FHIT: variants seen among roughly 807,000 people sequenced by gnomAD.
FHIT encodes fragile histidine triad diadenosine triphosphatase, also known as bis(5'-adenosyl)-triphosphatase.
FHIT carries 19 observed loss-of-function variants against 17.9 expected under a neutral mutation model. That is an observed-to-expected ratio of 1.06 (90% CI 0.74 to 1.56). The LOEUF (loss-of-function observed/expected upper bound fraction) is 1.56, where lower values mean the gene tolerates loss of function less well. Among genes scored for constraint, FHIT ranks in the 40% most tolerant of loss-of-function variants. FHIT has a pLI of 0.00. For missense variants in FHIT, 248 were observed against 189.2 expected, an observed-to-expected ratio of 1.31 and a Z score of -1.82; for synonymous variants, 81 against 69.7, an observed-to-expected ratio of 1.16 and a Z score of -0.81.
At chr3:60,256,847 A>C (rs968419255) in intron 5 of FHIT, among the ~76,000 whole-genome samples, 5 of 152,178 alleles carry the variant, frequency 3.3e-5, no homozygotes, top group African/African-American at 1.2e-4. Context: ...CTATGATCTT[A>C]CTAATATTCA....
At chr3:60,312,481 C>T (rs779217087) in intron 5 of FHIT, among the ~76,000 whole-genome samples, 8 of 152,164 alleles carry the variant, frequency 5.3e-5, no homozygotes, top group Non-Finnish European at 7.3e-5. Context: ...GGTTAAAATC[C>T]TTTAAAGAAC....
chr3:60,271,420 A>T (rs1419127671), intron 5 of FHIT, among the ~76,000 whole-genome samples: 2 of 152,166 alleles, frequency 1.3e-5, no homozygotes, highest in African/African-American at 2.4e-5. Flanking sequence ...ATAATAAAAT[A>T]AAATAAACGC....
intron 5 of FHIT, among the ~76,000 whole-genome samples, chr3:60,206,149 A>AATAATAATAATAATAATAATAAT (rs1553712155): frequency 7.5e-4 from 71 of 94,114 alleles, no homozygotes; most frequent in South Asian, 6.0e-4. Flanking sequence ...AAAAAAAAAT[A>AATAATAATAATAATAATAATAAT]AATAATAATA....
At chr3:60,498,402 T>A (rs1290911948) in intron 5 of FHIT, among the ~76,000 whole-genome samples, 1 of 152,224 alleles carries the variant, frequency 6.6e-6, no homozygotes, top group Admixed American at 6.5e-5. Context: ...TTAATTATAA[T>A]TTTACTAGTT....
intron 1 of FHIT, among the ~76,000 whole-genome samples, chr3:61,208,637 C>A (rs1045200453): frequency 1.3e-5 from 2 of 151,978 alleles, no homozygotes; most frequent in Non-Finnish European, 2.9e-5. Flanking sequence ...GGATTGCAAA[C>A]CCTGCCTTTT....
At chr3:61,096,412 G>C (rs2035640227) in intron 2 of FHIT, among the ~76,000 whole-genome samples, 2 of 152,158 alleles carry the variant, frequency 1.3e-5, no homozygotes, top group African/African-American at 4.8e-5. Flanking sequence ...GAACTTTCTG[G>C]TGGCAGAATG....
intron 5 of FHIT, among the ~76,000 whole-genome samples, chr3:60,065,715 C>T (rs1433918968): frequency 1.3e-5 from 2 of 152,174 alleles, no homozygotes; most frequent in Admixed American, 6.5e-5. Context: ...TAGCAGGAAA[C>T]TCTGCTCAGT....
intron 3 of FHIT, among the ~76,000 whole-genome samples, chr3:60,988,911 G>C (rs1193411571): frequency 3.3e-4 from 3 of 9,228 alleles, no homozygotes; most frequent in East Asian, 0.014. Context: ...TTGTTAAAAG[G>C]CTTTTTTTTT....
At chr3:60,453,481 A>G (rs1429164287) in intron 5 of FHIT, among the ~76,000 whole-genome samples, 1 of 152,188 alleles carries the variant, frequency 6.6e-6, no homozygotes, top group Non-Finnish European at 1.5e-5. Context: ...GATGCAACAT[A>G]GATAGATGTG....
At chr3:61,118,586 G>A (rs1240874090) in intron 2 of FHIT, among the ~76,000 whole-genome samples, 1 of 152,122 alleles carries the variant, frequency 6.6e-6, no homozygotes, top group Non-Finnish European at 1.5e-5. Flanking sequence ...ACACCTGTAG[G>A]GTTACAGATG....
intron 4 of FHIT, among the ~76,000 whole-genome samples, chr3:60,605,328 C>G (rs1553670685): frequency 6.6e-6 from 1 of 152,146 alleles, no homozygotes; most frequent in African/African-American, 2.4e-5. Flanking sequence ...GCCTACTTAA[C>G]TACTCATGGC....
At chr3:59,932,964 C>T (rs189216159) in intron 7 of FHIT, among the ~76,000 whole-genome samples, 29 of 152,106 alleles carry the variant, frequency 1.9e-4, no homozygotes, top group Admixed American at 5.2e-4. Flanking sequence ...TATTTTGCAC[C>T]CGGCTCCCTC....
intron 3 of FHIT, among the ~76,000 whole-genome samples, chr3:60,867,657 C>T (rs1001160136): frequency 6.6e-5 from 10 of 152,016 alleles, no homozygotes; most frequent in South Asian, 2.1e-4. Flanking sequence ...TAGTGGGGCA[C>T]GAGAAAAAGT....
chr3:59,826,430 GTACT>G (rs1700981121), intron 8 of FHIT, among the ~76,000 whole-genome samples: 1 of 152,120 alleles, frequency 6.6e-6, no homozygotes, highest in African/African-American at 2.4e-5. Context: ...AATATATATT[GTACT>G]TATTTACTAT....
intron 5 of FHIT, among the ~76,000 whole-genome samples, chr3:60,089,161 T>C (rs1398311188): frequency 2.6e-5 from 4 of 152,202 alleles, no homozygotes; most frequent in Non-Finnish European, 5.9e-5. Context: ...ATTTTGGATG[T>C]GGAGGGAACA....
chr3:59,780,937 T>A (rs1575482983), intron 8 of FHIT, among the ~76,000 whole-genome samples: 1 of 152,224 alleles, frequency 6.6e-6, no homozygotes, highest in Non-Finnish European at 1.5e-5. Context: ...ATAAATTATA[T>A]ATCTATTTTG....
intron 8 of FHIT, among the ~76,000 whole-genome samples, chr3:59,873,874 T>C (rs1703033266): frequency 6.6e-6 from 1 of 152,132 alleles, no homozygotes; most frequent in South Asian, 2.1e-4. Context: ...GTTCCCTGCT[T>C]AAATCTCCCG....
intron 5 of FHIT, among the ~76,000 whole-genome samples, chr3:60,428,786 C>T (rs1425630644): frequency 6.6e-6 from 1 of 152,092 alleles, no homozygotes; most frequent in African/African-American, 2.4e-5. Context: ...TCACTGAGAT[C>T]TGATCTTCTT....
rs530299053 is a variant in FHIT, at chr3:60,014,992, C to CTATACACACATGTATGCACACATGTGTA, written c.104-868_104-841dup. On this transcript the variant is annotated intron_variant, in intron 5 of 9. Transcript: ENST00000492590. ...TACACCATCAATAACATTTCAGTCA[C>CTATACACACATGTATGCACACATGTGTA]TATACACACATGTATGCACACATGT... Among the ~76,000 whole-genome samples, 526 of 152,232 alleles carry CTATACACACATGTATGCACACATGTGTA rather than the reference C, an allele frequency of 3.5e-3. 6 individuals carry two copies. The highest frequency in any genetic ancestry group is 0.011 in the African/African-American group (441 of 41,522).
Sources: allele counts gnomAD v4.1 joint callset (sites outside exome capture counted in the v4.1 genomes callset), GRCh38; gene constraint gnomAD v4.1.1; transcripts MANE v1.5; gene names NCBI Gene and HGNC (gene_info 2026-07-23, HGNC 2026-07-21).